Variants in EIF5 observed in about 807,000 individuals in gnomAD.
EIF5 encodes the protein eukaryotic translation initiation factor 5.
In EIF5, 10 loss-of-function variants were observed where a neutral mutation model predicts 48.3. That is an observed-to-expected ratio of 0.21 (90% CI 0.13 to 0.35). EIF5 has a LOEUF of 0.35. Ranked by LOEUF, EIF5 falls within the 10% of genes least tolerant of loss-of-function variation. The pLI is 1.00. For synonymous variants in EIF5, 237 were observed against 173.1 expected, an observed-to-expected ratio of 1.37 and a Z score of -2.90; for missense variants, 397 against 533.2, an observed-to-expected ratio of 0.74 and a Z score of 2.51.
intron 9 of EIF5, 62 bp downstream of exon 9, chr14:103,339,395 T>C: frequency 6.5e-7 from 1 of 1,538,562 alleles, no homozygotes; most frequent in Non-Finnish European, 8.7e-7. Flanking sequence ...GAGATGGTCA[T>C]ATTAACCACT....
At position 103,335,677 on chromosome 14, in the gene EIF5, T is replaced by TTG. The variant is rs2089276745; in HGVS notation, c.-184_-183insTG. The stretch of plus-strand genomic sequence containing the variant: ...GAGCTGTTGCGCAGCCATTGGTACC[T>TTG]GTATTGGGGAAACATAGCATACAAG... On this transcript the variant is annotated 5_prime_UTR_variant, in exon 3 of 12. It introduces an in-frame stop codon into an upstream open reading frame of the 5' UTR. Coordinates refer to ENST00000216554, the MANE Select transcript of EIF5 (RefSeq NM_001969.5). 9.8e-6 allele frequency: 6 copies of TTG among 609,720 alleles called. No homozygotes were observed. The East Asian group carries it at 1.7e-4, about 17-fold the overall frequency. The allele number at this position is 609,720 out of a possible 1,614,324, so 37.8% of individuals were successfully genotyped here. A position where few individuals can be genotyped will look rare whatever the true frequency, so the allele number is the denominator to read the frequency against.
At position 103,342,023 on chromosome 14, in the gene EIF5, A is replaced by G. The variant is rs1443902145; in HGVS notation, c.*971A>G. 6.6e-6 allele frequency: 1 copy of G among 152,522 alleles called. No homozygotes were observed. Among genetic ancestry groups the G allele is most frequent in the East Asian group, 1.9e-4 (1 of 5,190 alleles). 9.4% of individuals were successfully genotyped at this position (152,522 alleles called of 1,614,324 possible). A position where few individuals can be genotyped will look rare whatever the true frequency, so the allele number is the denominator to read the frequency against. On this transcript the variant is annotated 3_prime_UTR_variant, in exon 12 of 12. Coordinates refer to ENST00000216554, the MANE Select transcript of EIF5 (RefSeq NM_001969.5). Reference sequence around the variant, plus strand: ...TGTGGCTTTAATTTTCCCCTCTTGCAGTTTGTTCTGTAATGCCTTTTACAT... The same window carrying G: ...TGTGGCTTTAATTTTCCCCTCTTGCGGTTTGTTCTGTAATGCCTTTTACAT...
At chr14:103,334,771 G>C (rs1411390850) in intron 2 of EIF5, 174 bp downstream of exon 2, 1 of 145,418 alleles carries the variant, frequency 6.9e-6, no homozygotes, top group Non-Finnish European at 1.5e-5. Context: ...CCCCCTCCCC[G>C]GCATGGCGGG....
At chr14:103,336,596 AG>A in intron 4 of EIF5, 80 bp from the exon 5 acceptor site, 4 of 1,365,638 alleles carry the variant, frequency 2.9e-6, no homozygotes, top group Middle Eastern at 1.9e-4. Flanking sequence ...AAAAAAAAAA[AG>A]TGGTGTTCGT....
In EIF5 at chr14:103,335,944, C is replaced by T. The variant is rs2089279525; in HGVS notation, c.72+12C>T. ...GTCTGATTGCCAAGGTAATAAACTG[C>T]TCTTCAATTTAGTTGATAGCTCTTT... On this transcript the variant is annotated intron_variant, in intron 3 of 11. Coordinates refer to ENST00000216554, the MANE Select transcript of EIF5 (RefSeq NM_001969.5). 7 of 1,614,140 alleles carry T rather than the reference C, an allele frequency of 4.3e-6. No individual in the cohort carries two copies. The highest frequency in any genetic ancestry group is 5.9e-6 in the Non-Finnish European group (7 of 1,179,980).
Position 103,340,154 on chromosome 14 carries a change from C to G in EIF5, c.1072-273C>G, listed in dbSNP as rs36107368. 4.1e-3 allele frequency among the ~76,000 whole-genome samples: 624 copies of G among 152,288 alleles called. 5 individuals carry two copies. Among genetic ancestry groups the G allele is most frequent in the South Asian group, 0.012 (56 of 4,826 alleles). On this transcript the variant is annotated intron_variant, in intron 10 of 11. Coordinates refer to ENST00000216554, the MANE Select transcript of EIF5 (RefSeq NM_001969.5). ...GTGTGAGCTCCTGCGCCCAGCCGTT[C>G]ACAAGTATTGAGACGGCTTTGAGAT...
chr14:103,336,139 C>T, intron 4 of EIF5, 22 bp downstream of exon 4: 2 of 1,610,946 alleles, frequency 1.2e-6, no homozygotes, highest in Non-Finnish European at 1.7e-6. Flanking sequence ...TTGGAAAAGT[C>T]CACAGGGCAT....
intron 2 of EIF5, 23 bp downstream of exon 2, chr14:103,334,620 C>T (rs1232671052): frequency 6.6e-6 from 1 of 151,322 alleles, no homozygotes; most frequent in Admixed American, 6.6e-5. Context: ...CGCGGCGGGC[C>T]AGGAGATGGC....
Position 103,341,920 on chromosome 14 carries a change from G to A in EIF5, c.*868G>A, listed in dbSNP as rs1420212850. ...AGGGTGCACTTAACTAGCAACCTAA[G>A]CATGATTTTTCAGCTTTTGCCCTTA... On this transcript the variant is annotated 3_prime_UTR_variant, in exon 12 of 12. Coordinates refer to ENST00000216554, the MANE Select transcript of EIF5 (RefSeq NM_001969.5). 1 of 152,628 alleles carries A rather than the reference G, an allele frequency of 6.6e-6. No individual in the cohort carries two copies. Among genetic ancestry groups the A allele is most frequent in the Non-Finnish European group, 1.5e-5 (1 of 68,020 alleles). The allele number at this position is 152,628 out of a possible 1,614,324, so 9.5% of individuals were successfully genotyped here.
At position 103,340,437 on chromosome 14, in the gene EIF5, A is replaced by G. The variant is rs1277842754; in HGVS notation, c.1082A>G (p.Lys361Arg). 6.2e-7 allele frequency: 1 copy of G among 1,601,650 alleles called. No individual in the cohort carries two copies. Among genetic ancestry groups the G allele is most frequent in the Non-Finnish European group, 8.5e-7 (1 of 1,169,604 alleles). The change falls in exon 11 of 12, where the codon AAA (lysine) becomes AGA (arginine). Residue 361 changes from lysine (K) to arginine (R), a missense_variant. By Grantham distance (26) the Lys-to-Arg change is conservative (BLOSUM62 2). Transcript: ENST00000216554. The stretch of plus-strand genomic sequence containing the variant: ...ACTCACATTTTTTAGGCCTCTAAGA[A>G]ATATGTCTCCAAAGAACTTGCCAAA... ...IISWSEKASK[K>R]YVSKELAKEI...
chr14:103,338,720 T>C lies in EIF5; in HGVS notation c.586-15T>C. ...TTTAAGGCCTTTGATCAAGTAGCTCTGTTTTCATAAACAGGAAGAAGAGGA... is the reference window on the plus strand; with the variant it reads ...TTTAAGGCCTTTGATCAAGTAGCTCCGTTTTCATAAACAGGAAGAAGAGGA... On this transcript the variant is annotated splice_polypyrimidine_tract_variant and intron_variant, in intron 7 of 11. Coordinates refer to ENST00000216554, the MANE Select transcript of EIF5 (RefSeq NM_001969.5). The C allele has an allele frequency of 1.2e-6, 2 of 1,611,042 alleles. No individual in the cohort carries two copies. Among genetic ancestry groups the C allele is most frequent in the South Asian group, 2.2e-5 (2 of 90,360 alleles).
chr14:103,337,642 A>G, intron 6 of EIF5: 1 of 328,830 alleles, frequency 3.0e-6, no homozygotes, highest in South Asian at 2.5e-5. Context: ...ACTATATTTT[A>G]TCAAATCTAA....
chr14:103,339,034 G>A lies in EIF5; in HGVS notation c.745-138G>A, dbSNP rs887127605. The A allele has an allele frequency of 8.0e-5, 118 of 1,471,724 alleles. 1 individual carries two copies. The highest frequency in any genetic ancestry group is 1.1e-4 in the African/African-American group (8 of 70,570). The allele number at this position is 1,471,724 out of a possible 1,614,324, so 91.2% of individuals were successfully genotyped here. On this transcript the variant is annotated intron_variant, in intron 8 of 11. Transcript: ENST00000216554. ...TCTTGTTCATTTAAATATTTTTTGC[G>A]CGTGATTCCAGGCACTATGTGTCAC...
rs2089362682 is a variant in EIF5 at position 103,342,275 on chromosome 14, CTGAT to C, written c.*1224_*1227del. 1 of 152,276 alleles carries C rather than the reference CTGAT, an allele frequency of 6.6e-6. No homozygotes were observed. Among genetic ancestry groups the C allele is most frequent in the South Asian group, 2.1e-4 (1 of 4,830 alleles). The allele number at this position is 152,276 out of a possible 1,614,324, so 9.4% of individuals were successfully genotyped here. Reference sequence around the variant, plus strand: ...GAATATAGCCAGGCACCCAAGAAGTCTGATGGCCACCTGAGTGCAGGTGACAAGG... The same window carrying C: ...GAATATAGCCAGGCACCCAAGAAGTCGGCCACCTGAGTGCAGGTGACAAGG... On this transcript the variant is annotated 3_prime_UTR_variant, in exon 12 of 12. Transcript: ENST00000216554.
At position 103,343,676 on chromosome 14, in the gene EIF5, T is replaced by G. The variant is rs531496675; in HGVS notation, c.*2624T>G. 1 of 152,316 alleles carries G rather than the reference T, an allele frequency of 6.6e-6. No homozygotes were observed. The highest frequency in any genetic ancestry group is 2.4e-5 in the African/African-American group (1 of 41,570). The allele number at this position is 152,316 out of a possible 1,614,324, so 9.4% of individuals were successfully genotyped here. On this transcript the variant is annotated 3_prime_UTR_variant, in exon 12 of 12. Transcript: ENST00000216554. ...AAGCACTGACTTTATGCCTTTGGCC[T>G]GGAGATGGCAGAAGTGAAAGCTGGC...
intron 11 of EIF5, 79 bp from the exon 12 acceptor site, chr14:103,340,884 C>T: frequency 6.9e-7 from 1 of 1,451,344 alleles, no homozygotes; most frequent in Non-Finnish European, 9.6e-7. Context: ...GTTTCCTCCT[C>T]TGTGACCACA....
At position 103,341,186 on chromosome 14, in the gene EIF5, C is replaced by T. The variant is rs533667882; in HGVS notation, c.*134C>T. The T allele has an allele frequency of 2.2e-5, 16 of 741,058 alleles. No homozygotes were observed. In the East Asian group the frequency reaches 4.0e-4, roughly 19 times the overall value. The allele number at this position is 741,058 out of a possible 1,614,324, so 45.9% of individuals were successfully genotyped here. On this transcript the variant is annotated 3_prime_UTR_variant, in exon 12 of 12. Transcript: ENST00000216554. ...TACACTTTACACTAAAAATCTATTA[C>T]TGTGAGTGGTCTGTTATTAAGCCCA...
At position 103,343,990 on chromosome 14, in the gene EIF5, C is replaced by T. The variant is rs2089383777; in HGVS notation, c.*2938C>T. ...TTTGATGGTTCAAATTTCAGCCTCCCTGACTACTACAAAGCCAGAGCAGTC... is the reference window on the plus strand; with the variant it reads ...TTTGATGGTTCAAATTTCAGCCTCCTTGACTACTACAAAGCCAGAGCAGTC... On this transcript the variant is annotated 3_prime_UTR_variant, in exon 12 of 12. Coordinates refer to ENST00000216554, the MANE Select transcript of EIF5 (RefSeq NM_001969.5). 1 of 152,232 alleles carries T rather than the reference C, an allele frequency of 6.6e-6. No homozygotes were observed. Among genetic ancestry groups the T allele is most frequent in the Non-Finnish European group, 1.5e-5 (1 of 68,050 alleles). 9.4% of individuals were successfully genotyped at this position (152,232 alleles called of 1,614,324 possible).
In EIF5 at chr14:103,340,965, G is replaced by A. The variant is rs765190016; in HGVS notation, c.1209G>A (p.Val403=). 1.3e-5 allele frequency: 21 copies of A among 1,613,536 alleles called. No individual in the cohort carries two copies. The highest frequency in any genetic ancestry group is 3.3e-5 in the Admixed American group (2 of 60,026). ...AATAAAATCATTCCTCTTAACAGGT[G>A]GTGTATTCGAAGGCTGCCAGTGTAC... The part of the protein sequence containing the change: ...EEEDEDENIE[V]VYSKAASVPK... Residue 403 remains valine, a splice_region_variant and synonymous_variant, in exon 12 of 12, where the codon GTG becomes GTA. Transcript: ENST00000216554.
Sources: gnomAD v4.1 joint callset for allele counts (sites outside exome capture counted in the v4.1 genomes callset) on GRCh38, gnomAD v4.1.1 for gene constraint, MANE v1.5 for transcripts, NCBI Gene and HGNC (gene_info 2026-07-23, HGNC 2026-07-21) for gene names.